The following KLHDC1 variants were observed in gnomAD, a reference collection of about 807,000 sequenced individuals.
KLHDC1 encodes the protein kelch domain containing 1.
Under a neutral mutation model 68.3 loss-of-function variants are expected in KLHDC1, and 53 were observed. That is an observed-to-expected ratio of 0.78 (90% CI 0.62 to 0.98). The LOEUF is 0.98. Among genes scored for constraint, KLHDC1 ranks in the 50% least tolerant of loss-of-function variants. The pLI, the probability that KLHDC1 is intolerant of heterozygous loss-of-function variation, is 0.00. For synonymous variants in KLHDC1, 148 were observed against 159.0 expected, an observed-to-expected ratio of 0.93 and a Z score of 0.52; for missense variants, 470 against 492.3, an observed-to-expected ratio of 0.95 and a Z score of 0.43.
chr14:49,695,141 T>C (rs923981378), intron 1 of KLHDC1, among the ~76,000 whole-genome samples: 1 of 151,678 alleles, frequency 6.6e-6, no homozygotes, highest in African/African-American at 2.4e-5. Context: ...TGTGTGTGTG[T>C]GTGTGTGTTT....
chr14:49,719,785 C>T (rs1014933746), intron 4 of KLHDC1, among the ~76,000 whole-genome samples: 1 of 150,942 alleles, frequency 6.6e-6, no homozygotes, highest in Non-Finnish European at 1.5e-5. Context: ...CTTTTTTCTT[C>T]CCTTCCTTTC....
rs1434437496 is a variant in KLHDC1, at chr14:49,734,576, C to T, written c.824-13C>T. The T allele has an allele frequency of 1.3e-6, 2 of 1,524,228 alleles. No homozygotes were observed. Among genetic ancestry groups the T allele is most frequent in the South Asian group, 1.2e-5 (1 of 82,576 alleles). The allele number at this position is 1,524,228 out of a possible 1,614,324, so 94.4% of individuals were successfully genotyped here. A position where few individuals can be genotyped will look rare whatever the true frequency, so the allele number is the denominator to read the frequency against. On this transcript the variant is annotated splice_polypyrimidine_tract_variant and intron_variant, in intron 9 of 12. Transcript: ENST00000359332. ...GACCTAATCTTAATTTCTGAACTGT[C>T]ATGATATTGCAGGTGATGGTTGGAT... is the stretch of plus-strand genomic sequence containing the variant.
rs1432317935 is a variant in KLHDC1 at position 49,732,724 on chromosome 14, G to C, written c.731G>C (p.Ser244Thr). ...CACAGGATTACTATTAATGGAGAAA[G>C]CCCAAAACATCGGTCATGGCATACT... is the stretch of plus-strand genomic sequence containing the variant. ...WSGRITINGE[S>T]PKHRSWHTLT... Residue 244 changes from serine to threonine, a missense_variant, in exon 9 of 13, where the codon AGC (serine) becomes ACC (threonine). Ser to Thr is a moderately conservative substitution (Grantham distance 58). Transcript: ENST00000359332. The C allele has an allele frequency of 3.8e-6, 6 of 1,599,014 alleles. No homozygotes were observed. Among genetic ancestry groups the C allele is most frequent in the Non-Finnish European group, 5.1e-6 (6 of 1,166,948 alleles).
At chr14:49,733,141 C>T (rs908374216) in intron 9 of KLHDC1, among the ~76,000 whole-genome samples, 3 of 152,102 alleles carry the variant, frequency 2.0e-5, no homozygotes, top group African/African-American at 7.2e-5. Context: ...TTGCACTGTT[C>T]GCTTTTGCTG....
At chr14:49,733,148 G>C (rs942017871) in intron 9 of KLHDC1, among the ~76,000 whole-genome samples, 1 of 152,164 alleles carries the variant, frequency 6.6e-6, no homozygotes, top group African/African-American at 2.4e-5. Context: ...GTTCGCTTTT[G>C]CTGTACTCCA....
rs866548349 is a variant in KLHDC1, at chr14:49,753,088, A to G, written c.*1316A>G. 5.3e-5 allele frequency: 8 copies of G among 152,240 alleles called. No individual in the cohort carries two copies. Among genetic ancestry groups the G allele is most frequent in the African/African-American group, 1.4e-4 (6 of 41,562 alleles). The allele number at this position is 152,240 out of a possible 1,614,324, so 9.4% of individuals were successfully genotyped here. A position where few individuals can be genotyped will look rare whatever the true frequency, so the allele number is the denominator to read the frequency against. On this transcript the variant is annotated 3_prime_UTR_variant, in exon 13 of 13. Transcript: ENST00000359332. ...ACGTTTTATTTATTGTACAAAGTGT[A>G]TATAATTACTGTTTTCTTTTTTGTC...
intron 1 of KLHDC1, among the ~76,000 whole-genome samples, chr14:49,693,748 C>CTTTTTTCTTTTTTTTTTTTTTTTT (rs1887645959): frequency 1.6e-5 from 1 of 61,540 alleles, no homozygotes; most frequent in Non-Finnish European, 3.4e-5. Flanking sequence ...TTTTCTTTTT[C>CTTTTTTCTTTTTTTTTTTTTTTTT]TTTTTTTTTT....
rs1417434576 is a variant in KLHDC1, at chr14:49,752,365, T to C, written c.*593T>C. Reference sequence around the variant, plus strand: ...TAACTTTTCCTCACCTTTATTCGAATAGAGGAATAAATGTCTTCAGTTGTC... The same window carrying C: ...TAACTTTTCCTCACCTTTATTCGAACAGAGGAATAAATGTCTTCAGTTGTC... On this transcript the variant is annotated 3_prime_UTR_variant, in exon 13 of 13. Transcript: ENST00000359332. The C allele has an allele frequency of 6.6e-6, 1 of 152,504 alleles. No individual in the cohort carries two copies. The highest frequency in any genetic ancestry group is 1.5e-5 in the Non-Finnish European group (1 of 67,928). The allele number at this position is 152,504 out of a possible 1,614,324, so 9.4% of individuals were successfully genotyped here. A position where few individuals can be genotyped will look rare whatever the true frequency, so the allele number is the denominator to read the frequency against.
At chr14:49,721,635 C>T (rs1888527523) in intron 4 of KLHDC1, among the ~76,000 whole-genome samples, 1 of 152,106 alleles carries the variant, frequency 6.6e-6, no homozygotes, top group African/African-American at 2.4e-5. Flanking sequence ...TGAGTTTTAC[C>T]TCTGGCTTCA....
chr14:49,696,041 G>C, intron 1 of KLHDC1, among the ~76,000 whole-genome samples: 1 of 150,934 alleles, frequency 6.6e-6, no homozygotes, highest in East Asian at 2.0e-4. Flanking sequence ...CCTCCAGCCT[G>C]GGCGACAGAG....
At chr14:49,701,593 A>T (rs1279396354) in intron 1 of KLHDC1, among the ~76,000 whole-genome samples, 1 of 151,988 alleles carries the variant, frequency 6.6e-6, no homozygotes, top group African/African-American at 2.4e-5. Flanking sequence ...CGGAGGGTGG[A>T]GGTTGTGGTG....
chr14:49,743,260 C>T (rs1486539402), intron 11 of KLHDC1, among the ~76,000 whole-genome samples: 1 of 151,142 alleles, frequency 6.6e-6, no homozygotes, highest in Non-Finnish European at 1.5e-5. Flanking sequence ...ATTAGCAGAG[C>T]ATGGTAGTGG....
chr14:49,742,766 A>C (rs1353273921), intron 11 of KLHDC1, among the ~76,000 whole-genome samples: 1 of 151,438 alleles, frequency 6.6e-6, no homozygotes, highest in Non-Finnish European at 1.5e-5. Flanking sequence ...CATATGAGTT[A>C]TTTGAAAGAA....
intron 1 of KLHDC1, among the ~76,000 whole-genome samples, chr14:49,699,582 A>G (rs547582164): frequency 6.6e-6 from 1 of 152,342 alleles, no homozygotes; most frequent in South Asian, 2.1e-4. Flanking sequence ...ATAGTTCTAG[A>G]TTATATATTC....
At chr14:49,726,907 A>C (rs1035981671) in intron 6 of KLHDC1, among the ~76,000 whole-genome samples, 1 of 152,194 alleles carries the variant, frequency 6.6e-6, no homozygotes, top group African/African-American at 2.4e-5. Context: ...TCCTGGTTAC[A>C]CACACAGTTA....
At chr14:49,739,984 G>A (rs4898631) in intron 10 of KLHDC1, 114 bp from the exon 11 acceptor site, 558,698 of 572,484 alleles carry the variant, frequency 0.98, 273,960 homozygotes, top group East Asian at 1. Flanking sequence ...AAGTTCAATC[G>A]TGTCTCTTTT....
intron 4 of KLHDC1, among the ~76,000 whole-genome samples, chr14:49,715,765 A>AATATATATATATATATATATATATATAT (rs1555339251): frequency 5.8e-5 from 3 of 51,380 alleles, no homozygotes; most frequent in African/African-American, 2.8e-4. Context: ...AAAAAAAAAA[A>AATATATATATATATATATATATATATAT]ATATATATAT....
At chr14:49,731,237 G>A (rs1263875655) in intron 8 of KLHDC1, among the ~76,000 whole-genome samples, 2 of 152,054 alleles carry the variant, frequency 1.3e-5, no homozygotes, top group South Asian at 2.1e-4. Flanking sequence ...CTGAGATCAC[G>A]CCATTGCACT....
intron 9 of KLHDC1, 32 bp from the exon 10 acceptor site, chr14:49,734,557 A>G (rs1377687816): frequency 5.2e-6 from 7 of 1,340,302 alleles, no homozygotes; most frequent in Non-Finnish European, 7.3e-6. Flanking sequence ...CAGAGACCTA[A>G]TCTTAATTTC....
Sources: allele counts gnomAD v4.1 joint callset (sites outside exome capture counted in the v4.1 genomes callset), GRCh38; gene constraint gnomAD v4.1.1; transcripts MANE v1.5; gene names NCBI Gene and HGNC (gene_info 2026-07-23, HGNC 2026-07-21).